The following PPP2R3A variants were observed in gnomAD, a reference collection of about 807,000 sequenced individuals.
PPP2R3A encodes protein phosphatase 2 regulatory subunit B''alpha.
PPP2R3A carries 80 observed loss-of-function variants against 106.9 expected under a neutral mutation model. The ratio of observed to expected loss-of-function variants is 0.75; its 90% CI spans 0.62 to 0.90. The LOEUF (loss-of-function observed/expected upper bound fraction) is 0.90. Ranked by LOEUF, PPP2R3A falls within the 40% of genes least tolerant of loss-of-function variation. The probability of loss-of-function intolerance (pLI) is 0.00; values close to 1 mark genes in which losing one functional copy is unlikely to be tolerated. For synonymous variants in PPP2R3A, 483 were observed against 468.3 expected, an observed-to-expected ratio of 1.03 and a Z score of -0.41; for missense variants, 1,386 against 1,350.4, an observed-to-expected ratio of 1.03 and a Z score of -0.41.
intron 13 of PPP2R3A, among the ~76,000 whole-genome samples, chr3:136,133,120 C>T (rs531503818): frequency 4.3e-4 from 65 of 152,172 alleles, no homozygotes; most frequent in African/African-American, 1.6e-3. Context: ...ATCTTTGTGA[C>T]CTTGGGTTGG....
intron 1 of PPP2R3A, among the ~76,000 whole-genome samples, chr3:135,992,628 CA>C (rs1398440304): frequency 6.6e-6 from 1 of 152,054 alleles, no homozygotes; most frequent in Admixed American, 6.6e-5. Context: ...AGAGACACCC[CA>C]AAAAATGTAG....
chr3:136,003,030 A>C lies in PPP2R3A; in HGVS notation c.1532A>C (p.Lys511Thr). Residue 511 changes from lysine (K) to threonine (T), a missense_variant, in exon 2 of 14, where the codon AAA becomes ACA. Coordinates refer to ENST00000264977, the MANE Select transcript of PPP2R3A (RefSeq NM_002718.5). ...TNSSSQEEID[K>T]LLMDLESFSQ... ...TCCAGTAGCCAGGAAGAGATAGATAAATTGTTAATGGATTTGGAATCTTTT... is the reference window on the plus strand; with the variant it reads ...TCCAGTAGCCAGGAAGAGATAGATACATTGTTAATGGATTTGGAATCTTTT... The C allele has an allele frequency of 6.2e-7, 1 of 1,613,398 alleles. No homozygotes were observed. Among genetic ancestry groups the C allele is most frequent in the Non-Finnish European group, 8.5e-7 (1 of 1,179,762 alleles).
At chr3:136,049,387 G>A in intron 5 of PPP2R3A, 26 bp downstream of exon 5, 1 of 1,546,228 alleles carries the variant, frequency 6.5e-7, no homozygotes. Flanking sequence ...TTTTGAAAAT[G>A]GGTTCTAATT....
chr3:135,966,788 C>T lies in PPP2R3A; in HGVS notation c.-441+939C>T, dbSNP rs148714483. On this transcript the variant is annotated intron_variant, in intron 1 of 13. Coordinates refer to ENST00000264977, the MANE Select transcript of PPP2R3A (RefSeq NM_002718.5). ...AAAAAAGAGTAATTCCTTCCAACATCTGAGGAAGTATTCCTCCTCAAATCT... is the reference window on the plus strand; with the variant it reads ...AAAAAAGAGTAATTCCTTCCAACATTTGAGGAAGTATTCCTCCTCAAATCT... Among the ~76,000 whole-genome samples, 358 of 152,304 alleles carry T rather than the reference C, an allele frequency of 2.4e-3. 2 individuals are homozygous for T. Among genetic ancestry groups the T allele is most frequent in the African/African-American group, 8.1e-3 (336 of 41,566 alleles).
intron 4 of PPP2R3A, 130 bp downstream of exon 4, chr3:136,041,092 T>G (rs1054121571): frequency 4.5e-6 from 3 of 662,058 alleles, no homozygotes; most frequent in African/African-American, 3.7e-5. Context: ...CAAGGAAAAT[T>G]CAATGATTTA....
chr3:136,032,497 CTT>C (rs1184845843), intron 3 of PPP2R3A, among the ~76,000 whole-genome samples: 1 of 141,882 alleles, frequency 7.0e-6, no homozygotes, highest in Non-Finnish European at 1.6e-5. Context: ...TTGACTTTCT[CTT>C]TTTTTTTTTA....
chr3:136,058,071 AC>A (rs1935937911), intron 5 of PPP2R3A, among the ~76,000 whole-genome samples: 1 of 152,192 alleles, frequency 6.6e-6, no homozygotes, highest in Non-Finnish European at 1.5e-5. Context: ...TGGAGGCATA[AC>A]AAAAATGTGA....
At chr3:136,139,616 C>T (rs1020659124) in intron 13 of PPP2R3A, among the ~76,000 whole-genome samples, 1 of 150,700 alleles carries the variant, frequency 6.6e-6, no homozygotes, top group South Asian at 2.1e-4. Flanking sequence ...TCGCTTGAAC[C>T]TCGGAGGCAG....
intron 2 of PPP2R3A, among the ~76,000 whole-genome samples, chr3:136,013,356 T>G (rs1242853875): frequency 6.6e-6 from 1 of 152,184 alleles, no homozygotes; most frequent in African/African-American, 2.4e-5. Flanking sequence ...CTTCTCTTCC[T>G]CTGGGTAGAT....
intron 7 of PPP2R3A, among the ~76,000 whole-genome samples, chr3:136,079,571 G>A (rs1347659464): frequency 6.6e-6 from 1 of 151,782 alleles, no homozygotes; most frequent in East Asian, 1.9e-4. Flanking sequence ...ACCATGCCCA[G>A]CTCATTTTTG....
intron 13 of PPP2R3A, among the ~76,000 whole-genome samples, chr3:136,127,813 T>A (rs1453664337): frequency 1.3e-5 from 2 of 152,122 alleles, no homozygotes; most frequent in Non-Finnish European, 2.9e-5. Context: ...AAAGCAGATC[T>A]CTTGGCAGAA....
At chr3:136,011,454 A>C (rs1934071185) in intron 2 of PPP2R3A, among the ~76,000 whole-genome samples, 1 of 152,102 alleles carries the variant, frequency 6.6e-6, no homozygotes, top group South Asian at 2.1e-4. Flanking sequence ...GTAGTATTTA[A>C]ATTTTTCCTT....
intron 13 of PPP2R3A, among the ~76,000 whole-genome samples, chr3:136,113,861 C>T (rs1297941208): frequency 6.6e-6 from 1 of 151,558 alleles, no homozygotes; most frequent in Non-Finnish European, 1.5e-5. Context: ...TGGGAAATAA[C>T]ATTCTCGACA....
intron 1 of PPP2R3A, among the ~76,000 whole-genome samples, chr3:135,992,791 T>C (rs1478869781): frequency 6.6e-6 from 1 of 152,052 alleles, no homozygotes; most frequent in African/African-American, 2.4e-5. Flanking sequence ...GATAAAGATT[T>C]TAAGGCCACA....
At chr3:135,967,037 T>A (rs1344034411) in intron 1 of PPP2R3A, among the ~76,000 whole-genome samples, 1 of 152,206 alleles carries the variant, frequency 6.6e-6, no homozygotes, top group Non-Finnish European at 1.5e-5. Flanking sequence ...ATTATCTCAG[T>A]TTCTTTCAGT....
At chr3:136,040,626 A>G (rs982389090) in intron 3 of PPP2R3A, among the ~76,000 whole-genome samples, 7 of 152,144 alleles carry the variant, frequency 4.6e-5, no homozygotes, top group Non-Finnish European at 7.4e-5. Context: ...ACTTGGAGAA[A>G]ACATAAATGA....
intron 13 of PPP2R3A, among the ~76,000 whole-genome samples, chr3:136,132,615 A>C (rs1938468859): frequency 6.6e-6 from 1 of 151,954 alleles, no homozygotes; most frequent in African/African-American, 2.4e-5. Flanking sequence ...TGCTGAGAGA[A>C]ATTAAAGAAG....
intron 8 of PPP2R3A, among the ~76,000 whole-genome samples, chr3:136,086,352 C>T (rs754940352): frequency 5.3e-5 from 8 of 151,870 alleles, no homozygotes; most frequent in Admixed American, 1.3e-4. Context: ...TGTGGTGGTG[C>T]GTGCCTGTAA....
intron 10 of PPP2R3A, among the ~76,000 whole-genome samples, chr3:136,093,594 T>C (rs927870157): frequency 1.3e-5 from 2 of 152,078 alleles, no homozygotes; most frequent in African/African-American, 2.4e-5. Context: ...GGACAAAGGA[T>C]CTGATTAGAT....
Sources: gnomAD v4.1 joint callset for allele counts (sites outside exome capture counted in the v4.1 genomes callset) on GRCh38, gnomAD v4.1.1 for gene constraint, MANE v1.5 for transcripts, NCBI Gene and HGNC (gene_info 2026-07-23, HGNC 2026-07-21) for gene names.